Variants in DOK6 observed in about 807,000 individuals in gnomAD.
The protein encoded by DOK6 is docking protein 6.
DOK6 carries 22 observed loss-of-function variants against 44.0 expected under a neutral mutation model. The observed-to-expected ratio is 0.50, with a 90% CI of 0.36 to 0.71. The LOEUF (loss-of-function observed/expected upper bound fraction) is 0.71, where lower values mean the gene tolerates loss of function less well. Ranked by LOEUF, DOK6 falls within the 30% of genes least tolerant of loss-of-function variation. DOK6 has a pLI of 0.00. For missense variants in DOK6, 340 were observed against 416.4 expected, an observed-to-expected ratio of 0.82 and a Z score of 1.60; for synonymous variants, 166 against 145.5, an observed-to-expected ratio of 1.14 and a Z score of -1.01.
At chr18:69,712,944 T>C (rs1023206525) in intron 5 of DOK6, among the ~76,000 whole-genome samples, 4 of 152,174 alleles carry the variant, frequency 2.6e-5, no homozygotes, top group South Asian at 2.1e-4. Context: ...TTTGATTACA[T>C]AGGTGGAAAA....
chr18:69,711,066 CT>C (rs1318629568), intron 5 of DOK6, among the ~76,000 whole-genome samples: 6 of 152,134 alleles, frequency 3.9e-5, no homozygotes, highest in Non-Finnish European at 7.4e-5. Context: ...TTAATCAACC[CT>C]TCAAATAGAG....
At chr18:69,790,882 A>T (rs1980574928) in intron 7 of DOK6, among the ~76,000 whole-genome samples, 4 of 152,000 alleles carry the variant, frequency 2.6e-5, no homozygotes, top group Admixed American at 2.6e-4. Flanking sequence ...GATCTTATTT[A>T]TTCCATCTAA....
intron 1 of DOK6, among the ~76,000 whole-genome samples, chr18:69,452,017 G>A (rs1979482333): frequency 1.4e-5 from 2 of 147,384 alleles, no homozygotes; most frequent in African/African-American, 5.0e-5. Flanking sequence ...AAAAGCAAGA[G>A]CAAACACATT....
intron 2 of DOK6, among the ~76,000 whole-genome samples, chr18:69,598,263 A>G (rs899020580): frequency 6.6e-6 from 1 of 151,556 alleles, no homozygotes; most frequent in Non-Finnish European, 1.5e-5. Flanking sequence ...TTATATAACT[A>G]TAATATGCAA....
Position 69,435,353 on chromosome 18 carries a change from T to C in DOK6, c.66+34043T>C, listed in dbSNP as rs141053295. 6.8e-3 allele frequency among the ~76,000 whole-genome samples: 1,040 copies of C among 152,334 alleles called. 12 individuals carry two copies. Among genetic ancestry groups the C allele is most frequent in the African/African-American group, 0.023 (945 of 41,578 alleles). ...AAATATTTATTTAAGCTGTGCGCTC[T>C]ACTGGAAATGTAAATACAGATAAAA... is the stretch of plus-strand genomic sequence containing the variant. On this transcript the variant is annotated intron_variant, in intron 1 of 7. Transcript: ENST00000382713.
intron 1 of DOK6, among the ~76,000 whole-genome samples, chr18:69,484,293 A>C (rs561244604): frequency 6.6e-6 from 1 of 150,760 alleles, no homozygotes. Context: ...GCTTTAAGTA[A>C]CTAAGATACT....
intron 5 of DOK6, among the ~76,000 whole-genome samples, chr18:69,709,225 C>A (rs1272617370): frequency 6.6e-6 from 1 of 152,158 alleles, no homozygotes; most frequent in East Asian, 1.9e-4. Flanking sequence ...GCATTAGCCT[C>A]ACAACTTGTG....
At chr18:69,558,744 C>G (rs1000654816) in intron 1 of DOK6, among the ~76,000 whole-genome samples, 1 of 152,060 alleles carries the variant, frequency 6.6e-6, no homozygotes, top group Non-Finnish European at 1.5e-5. Context: ...ACTAAGGAGA[C>G]AGAACAACTA....
chr18:69,723,545 A>G (rs1978292892), intron 5 of DOK6, among the ~76,000 whole-genome samples: 1 of 152,220 alleles, frequency 6.6e-6, no homozygotes, highest in Non-Finnish European at 1.5e-5. Context: ...AGGAAACACC[A>G]TCTCTAAACA....
At chr18:69,602,966 T>A (rs28397205) in intron 3 of DOK6, among the ~76,000 whole-genome samples, 12,287 of 152,272 alleles carry the variant, frequency 0.081, 821 homozygotes, top group East Asian at 0.41. Context: ...ATGACAATAC[T>A]AAAATCATTG....
At chr18:69,569,716 T>C (rs1983069342) in intron 2 of DOK6, among the ~76,000 whole-genome samples, 1 of 152,224 alleles carries the variant, frequency 6.6e-6, no homozygotes, top group African/African-American at 2.4e-5. Context: ...ATTATTTTTT[T>C]TTAGAAATCC....
At chr18:69,460,268 C>T (rs781021872) in intron 1 of DOK6, among the ~76,000 whole-genome samples, 2 of 152,060 alleles carry the variant, frequency 1.3e-5, no homozygotes, top group African/African-American at 2.4e-5. Flanking sequence ...CATCATCAAT[C>T]GTTGGGTGAA....
At chr18:69,668,568 G>GGT (rs934207567) in intron 3 of DOK6, among the ~76,000 whole-genome samples, 2 of 152,102 alleles carry the variant, frequency 1.3e-5, no homozygotes, top group Non-Finnish European at 2.9e-5. Context: ...TGGGGATTGA[G>GGT]GTGTGGTAGG....
chr18:69,661,861 A>T (rs1016933847), intron 3 of DOK6: 3 of 152,202 alleles, frequency 2.0e-5, no homozygotes, highest in Non-Finnish European at 4.4e-5. Flanking sequence ...CATGCTACAG[A>T]TGTTTTCTTA....
At chr18:69,613,068 G>A (rs1435555737) in intron 3 of DOK6, among the ~76,000 whole-genome samples, 1 of 151,974 alleles carries the variant, frequency 6.6e-6, no homozygotes, top group African/African-American at 2.4e-5. Flanking sequence ...ATGGGGTTTC[G>A]TTATGTTGCT....
At chr18:69,667,186 A>G (rs1226469568) in intron 3 of DOK6, among the ~76,000 whole-genome samples, 7 of 152,114 alleles carry the variant, frequency 4.6e-5, no homozygotes, top group Non-Finnish European at 1.0e-4. Flanking sequence ...ACTCCTTCTC[A>G]TGCCCCTGCA....
chr18:69,578,514 A>C (rs1017037191), intron 2 of DOK6, among the ~76,000 whole-genome samples: 4 of 152,344 alleles, frequency 2.6e-5, no homozygotes, highest in South Asian at 2.1e-4. Context: ...ATAGTGTGAA[A>C]GAATGTTCGG....
At chr18:69,678,846 G>A (rs1194192953) in intron 4 of DOK6, among the ~76,000 whole-genome samples, 1 of 144,366 alleles carries the variant, frequency 6.9e-6, no homozygotes, top group Non-Finnish European at 1.5e-5. Flanking sequence ...GTTTTGAAAG[G>A]TTGAAGGATA....
At chr18:69,680,972 T>C (rs1451530559) in intron 4 of DOK6, among the ~76,000 whole-genome samples, 1 of 152,226 alleles carries the variant, frequency 6.6e-6, no homozygotes, top group African/African-American at 2.4e-5. Flanking sequence ...ATAACACCTT[T>C]TAAAATAAAA....
Sources: allele counts gnomAD v4.1 joint callset (sites outside exome capture counted in the v4.1 genomes callset), GRCh38; gene constraint gnomAD v4.1.1; transcripts MANE v1.5; gene names NCBI Gene and HGNC (gene_info 2026-07-23, HGNC 2026-07-21).